The following UBE2R2 variants were observed in gnomAD, a reference collection of about 807,000 sequenced individuals.
UBE2R2 encodes the protein ubiquitin-conjugating enzyme E2 R2.
In UBE2R2, 1 loss-of-function variant was observed where a neutral mutation model predicts 27.8. The ratio of observed to expected loss-of-function variants is 0.04; its 90% confidence interval spans 0.01 to 0.17. The LOEUF is 0.17. Ranked by LOEUF, UBE2R2 falls within the 10% of genes least tolerant of loss-of-function variation. The pLI is 1.00. For synonymous variants in UBE2R2, 106 were observed against 113.3 expected (o/e 0.94, Z 0.41); for missense variants, 100 against 291.0 (o/e 0.34, Z 4.78).
intron 2 of UBE2R2, among the ~76,000 whole-genome samples, chr9:33,898,777 A>G (rs188393067): frequency 6.6e-6 from 1 of 152,326 alleles, no homozygotes; most frequent in African/African-American, 2.4e-5. Context: ...AAAGACAGAA[A>G]GAAGTTAAAT....
intron 2 of UBE2R2, among the ~76,000 whole-genome samples, chr9:33,889,817 G>A (rs1475774096): frequency 6.6e-6 from 1 of 152,072 alleles, no homozygotes; most frequent in Non-Finnish European, 1.5e-5. Context: ...CTGAGTAGCT[G>A]GGACTACAGG....
At chr9:33,867,226 CTTCT>C (rs1437179385) in intron 1 of UBE2R2, among the ~76,000 whole-genome samples, 2 of 152,006 alleles carry the variant, frequency 1.3e-5, no homozygotes, top group African/African-American at 2.4e-5. Context: ...TTGTGTCAGG[CTTCT>C]TTGTCATATA....
intron 2 of UBE2R2, among the ~76,000 whole-genome samples, chr9:33,895,072 C>A (rs963266504): frequency 2.6e-5 from 4 of 152,164 alleles, no homozygotes; most frequent in African/African-American, 9.7e-5. Context: ...ACATATTAAA[C>A]CTTTATCAGA....
rs949403998 is a variant in UBE2R2 at position 33,817,650 on chromosome 9, G to C, written c.-108G>C. The C allele has an allele frequency of 3.5e-6, 4 of 1,135,606 alleles. No individual in the cohort carries two copies. The highest frequency in any genetic ancestry group is 3.3e-5 in the African/African-American group (2 of 60,258). 70.3% of individuals were successfully genotyped at this position (1,135,606 alleles called of 1,614,324 possible). A position where few individuals can be genotyped will look rare whatever the true frequency, so the allele number is the denominator to read the frequency against. On this transcript the variant is annotated 5_prime_UTR_variant, in exon 1 of 5. Coordinates refer to ENST00000263228, the MANE Select transcript of UBE2R2 (RefSeq NM_017811.4). ...GCCGGGTGTGTGAAGACCGGGGCCC[G>C]GTGCTGCCCGGCCGGAGGGCGAGCG... is the stretch of plus-strand genomic sequence containing the variant.
chr9:33,835,601 G>T (rs1046698131), intron 1 of UBE2R2, among the ~76,000 whole-genome samples: 1 of 151,980 alleles, frequency 6.6e-6, no homozygotes, highest in Non-Finnish European at 1.5e-5. Flanking sequence ...GACAGAGTTG[G>T]CCAGGCACAG....
At chr9:33,864,870 G>C (rs890889116) in intron 1 of UBE2R2, among the ~76,000 whole-genome samples, 1 of 151,822 alleles carries the variant, frequency 6.6e-6, no homozygotes, top group Non-Finnish European at 1.5e-5. Context: ...GATTACAGGC[G>C]TGTGCCACCA....
intron 4 of UBE2R2, among the ~76,000 whole-genome samples, chr9:33,915,007 G>C (rs1047756396): frequency 6.6e-6 from 1 of 151,826 alleles, no homozygotes; most frequent in African/African-American, 2.4e-5. Context: ...GCTTATACCT[G>C]TAATCCCAGC....
chr9:33,818,549 AAAAGGG>A (rs1825890412), intron 1 of UBE2R2: 1 of 136,056 alleles, frequency 7.3e-6, no homozygotes, highest in Non-Finnish European at 1.7e-5. Flanking sequence ...AAAAAAAAAA[AAAAGGG>A]TGCCCGCGTC....
At chr9:33,890,134 CT>C (rs143321626) in intron 2 of UBE2R2, among the ~76,000 whole-genome samples, 1 of 152,042 alleles carries the variant, frequency 6.6e-6, no homozygotes, top group Middle Eastern at 3.4e-3. Context: ...CCCCTTTCCA[CT>C]TTTTTTTCAG....
intron 2 of UBE2R2, among the ~76,000 whole-genome samples, chr9:33,890,379 C>A (rs1175638726): frequency 6.6e-6 from 1 of 151,970 alleles, no homozygotes. Flanking sequence ...CCAGCCTGGT[C>A]AACATGGTGA....
chr9:33,890,312 G>A (rs1019751217), intron 2 of UBE2R2, among the ~76,000 whole-genome samples: 3 of 152,192 alleles, frequency 2.0e-5, no homozygotes, highest in East Asian at 1.9e-4. Flanking sequence ...TAGGCCGGGC[G>A]CAGTGGCTCA....
chr9:33,865,476 G>A lies in UBE2R2; in HGVS notation c.178-21405G>A, dbSNP rs562739772. Among the ~76,000 whole-genome samples, 291 of 152,256 alleles carry A rather than the reference G, an allele frequency of 1.9e-3. 2 individuals are homozygous for A. Among genetic ancestry groups the A allele is most frequent in the Admixed American group, 4.1e-3 (62 of 15,294 alleles). On this transcript the variant is annotated intron_variant, in intron 1 of 4. Coordinates refer to ENST00000263228, the MANE Select transcript of UBE2R2 (RefSeq NM_017811.4). ...CTCCCAAAGTGCTGGGATTACAGGC[G>A]TGAGCCACCACGCCTGGCCTTCTAA...
At chr9:33,857,271 G>A in intron 1 of UBE2R2, among the ~76,000 whole-genome samples, 1 of 151,716 alleles carries the variant, frequency 6.6e-6, no homozygotes, top group East Asian at 1.9e-4. Flanking sequence ...CAGTAGAGAT[G>A]AGTACTTATG....
At chr9:33,872,660 C>A (rs1224123535) in intron 1 of UBE2R2, among the ~76,000 whole-genome samples, 4 of 151,936 alleles carry the variant, frequency 2.6e-5, no homozygotes, top group Non-Finnish European at 5.9e-5. Context: ...GTGGCACATG[C>A]CTGTAATTCC....
intron 1 of UBE2R2, among the ~76,000 whole-genome samples, chr9:33,881,425 A>G (rs1303797363): frequency 6.6e-6 from 1 of 152,200 alleles, no homozygotes; most frequent in East Asian, 1.9e-4. Flanking sequence ...ATATTTCATC[A>G]TCTCAAAAAG....
intron 1 of UBE2R2, among the ~76,000 whole-genome samples, chr9:33,867,944 GGTCA>G (rs1821399612): frequency 6.6e-6 from 1 of 152,184 alleles, no homozygotes; most frequent in Admixed American, 6.6e-5. Context: ...CTCAGTGGAG[GGTCA>G]GTCAGGATGG....
chr9:33,818,876 T>C (rs954948571), intron 1 of UBE2R2: 2 of 152,200 alleles, frequency 1.3e-5, no homozygotes, highest in Admixed American at 6.5e-5. Context: ...TATGGTTCCT[T>C]AGCGACCACA....
intron 1 of UBE2R2, among the ~76,000 whole-genome samples, chr9:33,858,744 T>C (rs1821160552): frequency 6.6e-6 from 1 of 152,184 alleles, no homozygotes; most frequent in South Asian, 2.1e-4. Flanking sequence ...TGCTAAATCA[T>C]TGCATTCTAC....
intron 1 of UBE2R2, 37 bp downstream of exon 1, chr9:33,817,971 C>A (rs771515907): frequency 6.3e-7 from 1 of 1,576,920 alleles, no homozygotes; most frequent in South Asian, 1.1e-5. Context: ...GCTTCCGCGG[C>A]CGAGGCCTCC....
Sources: allele counts gnomAD v4.1 joint callset (sites outside exome capture counted in the v4.1 genomes callset), GRCh38; gene constraint gnomAD v4.1.1; transcripts MANE v1.5; gene names NCBI Gene and HGNC (gene_info 2026-07-23, HGNC 2026-07-21).